Variants in NFX1 observed in about 807,000 individuals in gnomAD.
The protein encoded by NFX1 is nuclear transcription factor, X-box binding 1.
Under a neutral mutation model 137.2 loss-of-function variants are expected in NFX1, and 69 were observed. The ratio of observed to expected loss-of-function variants is 0.50; its 90% CI spans 0.41 to 0.61. The LOEUF is 0.61. Ranked by LOEUF, NFX1 falls within the 20% of genes least tolerant of loss-of-function variation. The pLI is 0.00. For synonymous variants in NFX1, 495 were observed against 474.1 expected (o/e 1.04, Z -0.57); for missense variants, 1,167 against 1,391.0 (o/e 0.84, Z 2.56).
In NFX1 at chr9:33,338,593, A is replaced by G; in HGVS notation, c.2115+4A>G. 1.3e-6 allele frequency: 2 copies of G among 1,586,534 alleles called. No individual in the cohort carries two copies. The highest frequency in any genetic ancestry group is 1.7e-6 in the Non-Finnish European group (2 of 1,170,786). ...ATGTAATGAGATATGCTGTGTGGTA[A>G]GTGGACTTATTAGGCATAATCAGAT... is the stretch of plus-strand genomic sequence containing the variant. On this transcript the variant is annotated splice_donor_region_variant and intron_variant, in intron 12 of 23. Coordinates refer to ENST00000379540, the MANE Select transcript of NFX1 (RefSeq NM_002504.6).
rs1822284317 is a variant in NFX1 at position 33,319,050 on chromosome 9, G to A, written c.1829G>A (p.Ser610Asn). 6.2e-7 allele frequency: 1 copy of A among 1,614,234 alleles called. No individual in the cohort carries two copies. Among genetic ancestry groups the A allele is most frequent in the Non-Finnish European group, 8.5e-7 (1 of 1,180,038 alleles). Residue 610 changes from serine (S) to asparagine (N), a missense_variant, in exon 9 of 24, where the codon AGT becomes AAT. Coordinates refer to ENST00000379540, the MANE Select transcript of NFX1 (RefSeq NM_002504.6). ...PLSQLLELGS[S>N]SRKTCMDPVP... ...AGCCAATTGCTAGAACTTGGAAGTA[G>A]TAGTCGGAAAACATGCATGGACCCT...
chr9:33,339,079 G>A (rs1393928699), intron 12 of NFX1, among the ~76,000 whole-genome samples: 1 of 151,826 alleles, frequency 6.6e-6, no homozygotes, highest in Non-Finnish European at 1.5e-5. Flanking sequence ...TCACTAGCTG[G>A]CTATTTGTAC....
At chr9:33,333,842 G>A (rs1822900713) in intron 11 of NFX1, among the ~76,000 whole-genome samples, 8 of 152,140 alleles carry the variant, frequency 5.3e-5, no homozygotes, top group Admixed American at 5.2e-4. Flanking sequence ...AAAAAGTTTG[G>A]TTATTAAAAA....
chr9:33,290,959 G>A (rs1821137761), intron 1 of NFX1, among the ~76,000 whole-genome samples: 1 of 152,230 alleles, frequency 6.6e-6, no homozygotes, highest in Non-Finnish European at 1.5e-5. Context: ...GACGTGTAGG[G>A]TGTGGTGTGC....
At chr9:33,365,028 C>G in intron 21 of NFX1, 1 of 1,249,502 alleles carries the variant, frequency 8.0e-7, no homozygotes, top group East Asian at 3.9e-5. Context: ...AATGCCAGCA[C>G]TTTGGGAGGC....
intron 5 of NFX1, among the ~76,000 whole-genome samples, chr9:33,308,456 A>C (rs1274546130): frequency 6.6e-6 from 1 of 152,200 alleles, no homozygotes; most frequent in Non-Finnish European, 1.5e-5. Context: ...AATAATAAAT[A>C]AATAAATAAG....
intron 19 of NFX1, 103 bp downstream of exon 19, chr9:33,354,995 C>T (rs1564144995): frequency 5.8e-6 from 6 of 1,036,432 alleles, no homozygotes; most frequent in South Asian, 4.5e-5. Flanking sequence ...CACTGCGCTG[C>T]GTCTTTTACC....
At position 33,370,889 on chromosome 9, in the gene NFX1, T is replaced by C. The variant is rs1193189510; in HGVS notation, c.*911T>C. Reference sequence around the variant, plus strand: ...CTCTCCCTGCCTCTGAGCTCTGGACTCTGTTTGAATATTCCAAGTAGTATA... The same window carrying C: ...CTCTCCCTGCCTCTGAGCTCTGGACCCTGTTTGAATATTCCAAGTAGTATA... On this transcript the variant is annotated 3_prime_UTR_variant, in exon 24 of 24. Coordinates refer to ENST00000379540, the MANE Select transcript of NFX1 (RefSeq NM_002504.6). The C allele has an allele frequency of 1.3e-5, 2 of 152,318 alleles. No individual in the cohort carries two copies. Among genetic ancestry groups the C allele is most frequent in the Non-Finnish European group, 2.9e-5 (2 of 68,110 alleles). 9.4% of individuals were successfully genotyped at this position (152,318 alleles called of 1,614,324 possible).
At chr9:33,337,400 A>G (rs561533811) in intron 11 of NFX1, among the ~76,000 whole-genome samples, 1 of 152,192 alleles carries the variant, frequency 6.6e-6, no homozygotes, top group South Asian at 2.1e-4. Context: ...AGAGACTTCA[A>G]TATCTGTGGA....
chr9:33,311,155 A>C lies in NFX1; in HGVS notation c.1426A>C (p.Thr476Pro), dbSNP rs1402851303. 6.2e-7 allele frequency: 1 copy of C among 1,614,042 alleles called. No homozygotes were observed. Among genetic ancestry groups the C allele is most frequent in the Non-Finnish European group, 8.5e-7 (1 of 1,180,012 alleles). The part of the protein sequence containing the change: ...CPPCPAFMTK[T>P]CECGRTRHTV... ...ACCCTGCCCTGCCTTTATGACAAAA[A>C]CATGTGAATGTGGACGAACCAGGTA... Residue 476 changes from threonine (T) to proline (P), a missense_variant, in exon 6 of 24, where the codon ACA (threonine) becomes CCA (proline). Transcript: ENST00000379540.
At chr9:33,334,736 A>C (rs560244238) in intron 11 of NFX1, among the ~76,000 whole-genome samples, 1 of 152,148 alleles carries the variant, frequency 6.6e-6, no homozygotes, top group African/African-American at 2.4e-5. Context: ...AGTATGCATA[A>C]CTCTTGTTCT....
chr9:33,344,218 C>T, intron 14 of NFX1, 30 bp downstream of exon 14: 1 of 1,612,266 alleles, frequency 6.2e-7, no homozygotes, highest in Non-Finnish European at 8.5e-7. Flanking sequence ...CACACTTCAG[C>T]CTGCTCACAC....
intron 5 of NFX1, 89 bp from the exon 6 acceptor site, chr9:33,311,017 C>A: frequency 9.1e-7 from 1 of 1,092,914 alleles, no homozygotes; most frequent in Admixed American, 1.9e-5. Context: ...GTATTTGTTG[C>A]CATATTCACA....
chr9:33,294,369 C>A (rs1821267742), intron 1 of NFX1, 51 bp from the exon 2 acceptor site: 1 of 1,483,038 alleles, frequency 6.7e-7, no homozygotes, highest in Non-Finnish European at 9.0e-7. Flanking sequence ...CTATGAGTTT[C>A]ATGGATGAAG....
chr9:33,336,722 T>A (rs541325292), intron 11 of NFX1, among the ~76,000 whole-genome samples: 2 of 152,142 alleles, frequency 1.3e-5, no homozygotes, highest in Admixed American at 6.5e-5. Flanking sequence ...CACACAAGCC[T>A]CCCAAATAGC....
At chr9:33,359,027 C>A (rs1328504816) in intron 19 of NFX1, among the ~76,000 whole-genome samples, 1 of 151,844 alleles carries the variant, frequency 6.6e-6, no homozygotes, top group African/African-American at 2.4e-5. Context: ...TTGCTTGTTG[C>A]TGGTATTTAG....
chr9:33,338,356 A>AAAAAC (rs989051067), intron 11 of NFX1, among the ~76,000 whole-genome samples, 154 bp from the exon 12 acceptor site: 9 of 152,218 alleles, frequency 5.9e-5, no homozygotes, highest in African/African-American at 2.2e-4. Context: ...CTCCATCTCA[A>AAAAAC]AAAACAAAAC....
At chr9:33,335,456 C>T (rs1822969641) in intron 11 of NFX1, among the ~76,000 whole-genome samples, 1 of 152,120 alleles carries the variant, frequency 6.6e-6, no homozygotes, top group Non-Finnish European at 1.5e-5. Context: ...TGGTCTCGAA[C>T]TCCTGGCCTC....
intron 23 of NFX1, 57 bp downstream of exon 23, chr9:33,367,676 G>T: frequency 2.6e-6 from 4 of 1,551,818 alleles, no homozygotes; most frequent in African/African-American, 1.4e-5. Flanking sequence ...AGCTAGCAGG[G>T]GCTGAATTGT....
Sources: allele counts gnomAD v4.1 joint callset (sites outside exome capture counted in the v4.1 genomes callset), GRCh38; gene constraint gnomAD v4.1.1; transcripts MANE v1.5; gene names NCBI Gene and HGNC (gene_info 2026-07-23, HGNC 2026-07-21).